Variants in CCDC91 observed in about 807,000 individuals in gnomAD.
CCDC91 encodes the protein coiled-coil domain containing 91.
In CCDC91, 48 loss-of-function variants were observed where a neutral mutation model predicts 63.2. The observed-to-expected ratio is 0.76, with a 90% CI of 0.60 to 0.97. The LOEUF is 0.97. Ranked by LOEUF, CCDC91 falls within the 50% of genes least tolerant of loss-of-function variation. CCDC91 has a pLI of 0.00. For synonymous variants in CCDC91, 167 were observed against 165.8 expected, an observed-to-expected ratio of 1.01 and a Z score of -0.06; for missense variants, 500 against 494.6, an observed-to-expected ratio of 1.01 and a Z score of -0.10.
intron 11 of CCDC91, among the ~76,000 whole-genome samples, chr12:28,464,489 T>C (rs1474724240): frequency 6.6e-6 from 1 of 152,146 alleles, no homozygotes; most frequent in South Asian, 2.1e-4. Context: ...TCTTGCATCT[T>C]GGATACTAGC....
chr12:28,353,833 C>T (rs1184831289), intron 6 of CCDC91, among the ~76,000 whole-genome samples: 1 of 151,858 alleles, frequency 6.6e-6, no homozygotes, highest in Non-Finnish European at 1.5e-5. Flanking sequence ...AGAGTGAGCA[C>T]ACAACTGTTG....
intron 1 of CCDC91, among the ~76,000 whole-genome samples, chr12:28,208,931 G>T (rs1343519925): frequency 6.6e-6 from 1 of 152,018 alleles, no homozygotes; most frequent in Non-Finnish European, 1.5e-5. Flanking sequence ...CTCCTGAGTA[G>T]CTGGGACTAC....
chr12:28,485,304 G>A (rs1412023936), intron 12 of CCDC91, among the ~76,000 whole-genome samples: 15 of 151,882 alleles, frequency 9.9e-5, no homozygotes, highest in South Asian at 8.3e-4. Context: ...AATTACAGGC[G>A]CCTGCCACCA....
At chr12:28,238,049 C>T (rs1042885013) in intron 1 of CCDC91, among the ~76,000 whole-genome samples, 7 of 151,898 alleles carry the variant, frequency 4.6e-5, no homozygotes, top group Non-Finnish European at 7.4e-5. Context: ...ATTCTTGGGG[C>T]GAGGAAAATC....
intron 7 of CCDC91, among the ~76,000 whole-genome samples, chr12:28,367,934 A>C (rs547792701): frequency 6.6e-6 from 1 of 152,342 alleles, no homozygotes; most frequent in South Asian, 2.1e-4. Context: ...GGATTCTGCC[A>C]ATAGACTGCC....
intron 12 of CCDC91, among the ~76,000 whole-genome samples, chr12:28,522,250 G>A (rs1237187686): frequency 1.3e-5 from 2 of 152,044 alleles, no homozygotes; most frequent in Non-Finnish European, 2.9e-5. Context: ...CAATTTCAGA[G>A]CCTGTTATTG....
intron 3 of CCDC91, among the ~76,000 whole-genome samples, chr12:28,304,402 GAA>G (rs57660180): frequency 0.17 from 17,055 of 97,690 alleles, 877 homozygotes; most frequent in East Asian, 0.43. Context: ...AAAAAAAAAA[GAA>G]AAAAAAAAAA....
At chr12:28,391,465 C>T in intron 8 of CCDC91, 54 bp downstream of exon 8, 1 of 1,039,342 alleles carries the variant, frequency 9.6e-7, no homozygotes, top group South Asian at 1.3e-5. Context: ...GACTCTCTCC[C>T]CTGAGAGCTC....
chr12:28,511,104 A>C (rs1369378207), intron 12 of CCDC91, among the ~76,000 whole-genome samples: 2 of 151,898 alleles, frequency 1.3e-5, no homozygotes, highest in Non-Finnish European at 2.9e-5. Flanking sequence ...CCTGTAGCCC[A>C]AGTCACTATG....
intron 11 of CCDC91, among the ~76,000 whole-genome samples, chr12:28,452,978 A>G (rs1949886220): frequency 6.6e-6 from 1 of 151,922 alleles, no homozygotes; most frequent in Non-Finnish European, 1.5e-5. Flanking sequence ...TCTCATACAT[A>G]GAGACACATA....
intron 1 of CCDC91, among the ~76,000 whole-genome samples, chr12:28,250,083 C>T (rs1946019539): frequency 6.6e-6 from 1 of 151,968 alleles, no homozygotes; most frequent in South Asian, 2.1e-4. Context: ...GGCTATCAGC[C>T]TGGGAAAAGA....
At chr12:28,213,216 C>A (rs181886045) in intron 1 of CCDC91, among the ~76,000 whole-genome samples, 105 of 152,314 alleles carry the variant, frequency 6.9e-4, no homozygotes, top group Admixed American at 1.6e-3. Context: ...TAATGGCTTT[C>A]CCTGAGGAAG....
chr12:28,464,525 G>T (rs1443718271), intron 11 of CCDC91, among the ~76,000 whole-genome samples: 1 of 152,176 alleles, frequency 6.6e-6, no homozygotes, highest in Non-Finnish European at 1.5e-5. Flanking sequence ...TAGAGCATTG[G>T]TCAGAGTCAC....
At chr12:28,546,805 A>G (rs1448835500) in intron 12 of CCDC91, among the ~76,000 whole-genome samples, 2 of 152,094 alleles carry the variant, frequency 1.3e-5, no homozygotes, top group Non-Finnish European at 2.9e-5. Flanking sequence ...ATAACTTAGT[A>G]TACTCTCTGG....
intron 6 of CCDC91, among the ~76,000 whole-genome samples, chr12:28,357,430 T>C (rs1383142314): frequency 1.3e-5 from 2 of 152,156 alleles, no homozygotes; most frequent in Non-Finnish European, 2.9e-5. Context: ...TTAGCAGTAA[T>C]AAATTGATGA....
intron 11 of CCDC91, among the ~76,000 whole-genome samples, chr12:28,481,397 TG>T (rs1319524753): frequency 5.9e-5 from 9 of 152,094 alleles, no homozygotes; most frequent in Admixed American, 2.6e-4. Flanking sequence ...CCATGTTCAG[TG>T]GTGGTGTGAT....
chr12:28,428,142 T>C (rs1157609011), intron 8 of CCDC91, among the ~76,000 whole-genome samples: 1 of 152,186 alleles, frequency 6.6e-6, no homozygotes, highest in Non-Finnish European at 1.5e-5. Context: ...CACATAGTAC[T>C]CAGTCATCAT....
intron 3 of CCDC91, among the ~76,000 whole-genome samples, chr12:28,266,345 A>T (rs1333057161): frequency 6.6e-6 from 1 of 152,038 alleles, no homozygotes; most frequent in Non-Finnish European, 1.5e-5. Flanking sequence ...CTCAATTAGC[A>T]AATCTATAAA....
chr12:28,366,141 T>C (rs1350052298), intron 7 of CCDC91, among the ~76,000 whole-genome samples: 1 of 151,802 alleles, frequency 6.6e-6, no homozygotes, highest in Admixed American at 6.6e-5. Context: ...TTTTTCCTAC[T>C]TAGTACAGAT....
Sources: gnomAD v4.1 joint callset for allele counts (sites outside exome capture counted in the v4.1 genomes callset) on GRCh38, gnomAD v4.1.1 for gene constraint, MANE v1.5 for transcripts, NCBI Gene and HGNC (gene_info 2026-07-23, HGNC 2026-07-21) for gene names.